Variants in CCDC146 observed in about 807,000 individuals in gnomAD.
CCDC146 encodes the protein coiled-coil domain containing 146.
CCDC146 carries 92 observed loss-of-function variants against 119.3 expected under a neutral mutation model. The observed-to-expected ratio is 0.77, with a 90% CI of 0.65 to 0.92. The LOEUF (loss-of-function observed/expected upper bound fraction) is 0.92, where lower values mean the gene tolerates loss of function less well. Among genes scored for constraint, CCDC146 ranks in the 40% least tolerant of loss-of-function variants. The pLI is 0.00. For missense variants in CCDC146, 1,000 were observed against 1,103.0 expected (o/e 0.91, Z 1.32); for synonymous variants, 372 against 371.8 (o/e 1.00, Z -0.01).
intron 1 of CCDC146, among the ~76,000 whole-genome samples, chr7:77,128,648 C>A (rs1299208832): frequency 2.0e-5 from 3 of 151,482 alleles, no homozygotes; most frequent in Non-Finnish European, 4.4e-5. Context: ...TTTTTTCTTT[C>A]CGTTTTGGTC....
chr7:77,222,579 G>A (rs759550552), intron 2 of CCDC146, among the ~76,000 whole-genome samples: 1 of 152,198 alleles, frequency 6.6e-6, no homozygotes, highest in Non-Finnish European at 1.5e-5. Flanking sequence ...GCCAAACCCA[G>A]GGATCCAGCC....
At chr7:77,231,080 C>T (rs551786372) in intron 2 of CCDC146, among the ~76,000 whole-genome samples, 1 of 152,266 alleles carries the variant, frequency 6.6e-6, no homozygotes, top group South Asian at 2.1e-4. Flanking sequence ...CTCATGTTCC[C>T]ACACCATCCC....
chr7:77,215,528 A>T (rs1175357390), intron 2 of CCDC146, among the ~76,000 whole-genome samples: 1 of 152,090 alleles, frequency 6.6e-6, no homozygotes, highest in Non-Finnish European at 1.5e-5. Flanking sequence ...TGCTAGGTTA[A>T]TCTTTGTTTC....
At chr7:77,190,307 TAAA>T (rs1562827328) in intron 2 of CCDC146, among the ~76,000 whole-genome samples, 1 of 152,248 alleles carries the variant, frequency 6.6e-6, no homozygotes, top group Non-Finnish European at 1.5e-5. Flanking sequence ...CCTATACCAG[TAAA>T]TTCAGTCACA....
intron 2 of CCDC146, among the ~76,000 whole-genome samples, chr7:77,174,781 A>G (rs1791477982): frequency 1.3e-5 from 2 of 152,228 alleles, no homozygotes; most frequent in South Asian, 4.1e-4. Flanking sequence ...TTTTGTTTAT[A>G]AAAATGGATT....
At position 77,295,202 on chromosome 7, in the gene CCDC146, G is replaced by A. The variant is rs1171562197; in HGVS notation, c.*336G>A. The A allele has an allele frequency of 4.8e-6, 1 of 209,644 alleles. No homozygotes were observed. Among genetic ancestry groups the A allele is most frequent in the Non-Finnish European group, 9.6e-6 (1 of 103,658 alleles). The allele number at this position is 209,644 out of a possible 1,614,324, so 13.0% of individuals were successfully genotyped here. ...CACTAAAAATAAATCTGTTCTCAAT[G>A]AAGTACGGAAATGGACACAGTGGTC... On this transcript the variant is annotated 3_prime_UTR_variant, in exon 19 of 19. Transcript: ENST00000285871.
At chr7:77,185,982 G>A (rs572184992) in intron 2 of CCDC146, among the ~76,000 whole-genome samples, 2 of 152,226 alleles carry the variant, frequency 1.3e-5, no homozygotes, top group South Asian at 2.1e-4. Context: ...TATCCAAAGG[G>A]CAGGCAATAA....
chr7:77,198,288 C>T, intron 2 of CCDC146: 26 of 985,400 alleles, frequency 2.6e-5, no homozygotes, highest in Non-Finnish European at 3.1e-5. Flanking sequence ...AAAGTGATCT[C>T]CGCCCTGTCC....
In CCDC146 at chr7:77,260,025, A is replaced by G. The variant is rs1793262672; in HGVS notation, c.775A>G (p.Lys259Glu). Residue 259 changes from lysine (K) to glutamate (E), a missense_variant, in exon 8 of 19, where the codon AAA becomes GAA. Physicochemically the swap from Lys to Glu is moderately conservative, Grantham distance 56. Around this residue, in one of 2 missense-constraint regions of CCDC146, gnomAD observed 985 missense variants for 1,045.3 expected, o/e 0.94. Transcript: ENST00000285871. ...TRKKVEMEKKKIVLEQEVKTL... is the reference protein window; with the variant it reads ...TRKKVEMEKKEIVLEQEVKTL... ...CCCCTACAGAGAAATGGAAAAGAAA[A>G]AAATTGTCTTGGAACAAGAAGTCAA... 2 of 1,609,824 alleles carry G rather than the reference A, an allele frequency of 1.2e-6. No homozygotes were observed. The highest frequency in any genetic ancestry group is 8.5e-7 in the Non-Finnish European group (1 of 1,178,208).
chr7:77,263,915 C>T (rs1045046419), intron 9 of CCDC146, among the ~76,000 whole-genome samples: 4 of 152,174 alleles, frequency 2.6e-5, no homozygotes, highest in Admixed American at 2.0e-4. Flanking sequence ...CAGAGCCAGA[C>T]TCCATCTCAA....
At position 77,130,855 on chromosome 7, in the gene CCDC146, C is replaced by A. The variant is rs1201109113; in HGVS notation, c.-12+8123C>A. Reference sequence around the variant, plus strand: ...CTCGTGATCCGCCCGTCTGGGCCTCCCAAAGTGCTGGGATTACAGGCGTGA... The same window carrying A: ...CTCGTGATCCGCCCGTCTGGGCCTCACAAAGTGCTGGGATTACAGGCGTGA... On this transcript the variant is annotated intron_variant, in intron 1 of 18. Coordinates refer to ENST00000285871, the MANE Select transcript of CCDC146 (RefSeq NM_020879.3). 6.0e-5 allele frequency among the ~76,000 whole-genome samples: 9 copies of A among 150,376 alleles called. No homozygotes were observed. The East Asian group carries it at 9.7e-4, about 16-fold the overall frequency.
At chr7:77,151,002 C>G (rs3095455) in intron 1 of CCDC146, among the ~76,000 whole-genome samples, 30,696 of 152,042 alleles carry the variant, frequency 0.2, 3,438 homozygotes, top group African/African-American at 0.22. Flanking sequence ...ACTGTAGACT[C>G]TGTGGCTTAT....
intron 15 of CCDC146, 60 bp from the exon 16 acceptor site, chr7:77,286,738 G>A (rs1793855139): frequency 1.9e-6 from 3 of 1,569,794 alleles, no homozygotes; most frequent in Non-Finnish European, 2.6e-6. Context: ...TAGGCAATGT[G>A]ATTTTCAGAT....
chr7:77,288,251 A>G (rs1793883575), intron 17 of CCDC146, among the ~76,000 whole-genome samples: 1 of 152,300 alleles, frequency 6.6e-6, no homozygotes, highest in East Asian at 1.9e-4. Flanking sequence ...ACAACCTGCA[A>G]TGAAGAGGTG....
At chr7:77,146,113 G>T (rs1791015107) in intron 1 of CCDC146, among the ~76,000 whole-genome samples, 1 of 152,052 alleles carries the variant, frequency 6.6e-6, no homozygotes, top group Non-Finnish European at 1.5e-5. Flanking sequence ...TGTATTGGGT[G>T]CATACATATT....
At chr7:77,180,850 A>G (rs1278966655) in intron 2 of CCDC146, among the ~76,000 whole-genome samples, 4 of 152,192 alleles carry the variant, frequency 2.6e-5, no homozygotes, top group South Asian at 2.1e-4. Flanking sequence ...CCAGTAATAA[A>G]TGACTGTCTC....
chr7:77,177,892 T>C (rs920754676), intron 2 of CCDC146, among the ~76,000 whole-genome samples: 4 of 152,220 alleles, frequency 2.6e-5, no homozygotes, highest in Non-Finnish European at 5.9e-5. Flanking sequence ...TATTGAACAG[T>C]ACAGATAGGT....
At chr7:77,208,424 G>A (rs984856045) in intron 2 of CCDC146, among the ~76,000 whole-genome samples, 2 of 152,274 alleles carry the variant, frequency 1.3e-5, no homozygotes, top group Middle Eastern at 3.4e-3. Flanking sequence ...CAGTGTGCTA[G>A]CATGTTACTG....
At chr7:77,263,589 T>G (rs1793343801) in intron 9 of CCDC146, among the ~76,000 whole-genome samples, 1 of 152,244 alleles carries the variant, frequency 6.6e-6, no homozygotes, top group South Asian at 2.1e-4. Flanking sequence ...AACTAGGACT[T>G]GGACTTCGTC....
Sources: gnomAD v4.1 joint callset for allele counts (sites outside exome capture counted in the v4.1 genomes callset) on GRCh38, gnomAD v4.1.1 for gene constraint, gnomAD v4.1.1 regional missense constraint, MANE v1.5 for transcripts, NCBI Gene and HGNC (gene_info 2026-07-23, HGNC 2026-07-21) for gene names.